FKBP5: variants seen among roughly 807,000 people sequenced by gnomAD.
FKBP5 encodes FKBP prolyl isomerase 5.
FKBP5 carries 23 observed loss-of-function variants against 50.5 expected under a neutral mutation model. That is an observed-to-expected ratio of 0.46 (90% CI 0.33 to 0.65). FKBP5 has a LOEUF of 0.65. Among genes scored for constraint, FKBP5 ranks in the 30% least tolerant of loss-of-function variants. The probability of loss-of-function intolerance (pLI) is 0.02; values close to 1 mark genes in which losing one functional copy is unlikely to be tolerated. For missense variants in FKBP5, 411 were observed against 553.1 expected, an observed-to-expected ratio of 0.74 and a Z score of 2.58; for synonymous variants, 176 against 190.6, an observed-to-expected ratio of 0.92 and a Z score of 0.63.
At chr6:35,604,537 A>G (rs1763246873) in intron 5 of FKBP5, among the ~76,000 whole-genome samples, 1 of 152,230 alleles carries the variant, frequency 6.6e-6, no homozygotes, top group Non-Finnish European at 1.5e-5. Context: ...CTTCAAAAGC[A>G]TATGAAAAAC....
At chr6:35,576,062 A>T in intron 10 of FKBP5, 120 bp from the exon 11 acceptor site, 1 of 760,326 alleles carries the variant, frequency 1.3e-6, no homozygotes, top group Non-Finnish European at 2.3e-6. Context: ...TCTCTAGGAT[A>T]TCTAGCTGGG....
chr6:35,589,414 C>G (rs1484083891), intron 7 of FKBP5, among the ~76,000 whole-genome samples: 2 of 152,098 alleles, frequency 1.3e-5, no homozygotes, highest in South Asian at 2.1e-4. Context: ...CAGGCGTGAG[C>G]CACAGCGCCC....
At chr6:35,636,879 G>T in intron 3 of FKBP5, 135 bp downstream of exon 3, 1 of 682,716 alleles carries the variant, frequency 1.5e-6, no homozygotes. Flanking sequence ...GAGCCCTAGG[G>T]ATTCTCAGAC....
intron 5 of FKBP5, among the ~76,000 whole-genome samples, chr6:35,600,383 A>AATCT (rs1048024912): frequency 7.9e-5 from 12 of 152,012 alleles, no homozygotes; most frequent in African/African-American, 2.9e-4. Flanking sequence ...GCGGCACTGT[A>AATCT]ATCTAGCCTG....
At chr6:35,599,501 ATCT>A (rs1763081391) in intron 5 of FKBP5, among the ~76,000 whole-genome samples, 1 of 152,156 alleles carries the variant, frequency 6.6e-6, no homozygotes. Flanking sequence ...GATTTGCTAA[ATCT>A]TCTCTGTATT....
At position 35,597,283 on chromosome 6, in the gene FKBP5, C is replaced by T. The variant is rs1216736917; in HGVS notation, c.630G>A (p.Gln210=). 1 of 1,614,118 alleles carries T rather than the reference C, an allele frequency of 6.2e-7. No homozygotes were observed. The highest frequency in any genetic ancestry group is 8.5e-7 in the Non-Finnish European group (1 of 1,180,006). The change falls in exon 6 of 11, where the codon CAG becomes CAA. Residue 210 remains glutamine (Q), a synonymous_variant. Transcript: ENST00000357266. ...IGIDKALEKM[Q]REEQCILYLG... The stretch of plus-strand genomic sequence containing the variant: ...GATATAAAATACATTGTTCTTCCCG[C>T]TGCATTTTCTCCAGAGCTTTGTCAA...
chr6:35,576,470 G>A (rs1431333141), intron 10 of FKBP5, among the ~76,000 whole-genome samples: 1 of 152,102 alleles, frequency 6.6e-6, no homozygotes, highest in South Asian at 2.1e-4. Context: ...CCAGGGGTTC[G>A]AGACCAGCCT....
At chr6:35,597,919 A>G (rs1289054697) in intron 5 of FKBP5, among the ~76,000 whole-genome samples, 12 of 152,348 alleles carry the variant, frequency 7.9e-5, no homozygotes, top group South Asian at 4.1e-4. Flanking sequence ...ATTCACAAAT[A>G]TATCTGAATA....
chr6:35,650,243 T>C (rs1278670452), intron 1 of FKBP5, among the ~76,000 whole-genome samples: 1 of 141,848 alleles, frequency 7.0e-6, no homozygotes, highest in Non-Finnish European at 1.5e-5. Flanking sequence ...GGCAGGAGTA[T>C]CACGCCATGG....
intron 3 of FKBP5, among the ~76,000 whole-genome samples, chr6:35,635,780 C>A (rs1015681510): frequency 6.6e-6 from 1 of 152,046 alleles, no homozygotes; most frequent in Non-Finnish European, 1.5e-5. Context: ...ACTTGTAACA[C>A]GAGACAACCA....
At chr6:35,585,598 G>A in intron 8 of FKBP5, 4 of 984,478 alleles carry the variant, frequency 4.1e-6, no homozygotes, top group Non-Finnish European at 4.8e-6. Flanking sequence ...CATGCTTTCT[G>A]GTGATCCATA....
At chr6:35,701,109 G>A (rs1766174102) in intron 2 of FKBP5, among the ~76,000 whole-genome samples, 1 of 151,366 alleles carries the variant, frequency 6.6e-6, no homozygotes, top group South Asian at 2.1e-4. Context: ...AAAGTATTCA[G>A]TGTTTATCTG....
chr6:35,600,289 C>T (rs1338450164), intron 5 of FKBP5, among the ~76,000 whole-genome samples: 3 of 152,002 alleles, frequency 2.0e-5, no homozygotes, highest in Non-Finnish European at 4.4e-5. Context: ...TGGTGACGCA[C>T]ACCTATAAGT....
rs561056832 is a variant in FKBP5 at position 35,584,427 on chromosome 6, T to C, written c.840+2607A>G. On this transcript the variant is annotated intron_variant, in intron 8 of 10. Transcript: ENST00000357266. ...GCAGATGGCATGAAATACAGATCTT[T>C]AGTTCAGCCCATCTCTGCTCTCACC... 25 of 985,476 alleles carry C rather than the reference T, an allele frequency of 2.5e-5. No individual in the cohort carries two copies. The African/African-American group carries it at 4.0e-4, about 16-fold the overall frequency. 61.0% of individuals were successfully genotyped at this position (985,476 alleles called of 1,614,324 possible). A position where few individuals can be genotyped will look rare whatever the true frequency, so the allele number is the denominator to read the frequency against.
intron 1 of FKBP5, among the ~76,000 whole-genome samples, chr6:35,679,206 A>G (rs758212389): frequency 3.3e-5 from 5 of 152,268 alleles, no homozygotes; most frequent in Middle Eastern, 3.2e-3. Context: ...ACAATTCTCT[A>G]CGATTCTGTG....
In FKBP5 at chr6:35,574,722, T is replaced by A. The variant is rs1213382691; in HGVS notation, c.*1113A>T. The A allele has an allele frequency of 6.6e-6, 1 of 152,620 alleles. No individual in the cohort carries two copies. Among genetic ancestry groups the A allele is most frequent in the Non-Finnish European group, 1.5e-5 (1 of 68,032 alleles). 9.5% of individuals were successfully genotyped at this position (152,620 alleles called of 1,614,324 possible). A position where few individuals can be genotyped will look rare whatever the true frequency, so the allele number is the denominator to read the frequency against. On this transcript the variant is annotated 3_prime_UTR_variant, in exon 11 of 11. Coordinates refer to ENST00000357266, the MANE Select transcript of FKBP5 (RefSeq NM_004117.4). ...ACCCTACAGATTTTGTTTTTAAAAA[T>A]TAAGCTTAGTACTAAAAAGTCAAAA...
At chr6:35,672,484 T>TA (rs1765415041) in intron 1 of FKBP5, among the ~76,000 whole-genome samples, 1 of 151,572 alleles carries the variant, frequency 6.6e-6, no homozygotes, top group Admixed American at 6.6e-5. Context: ...TTTTTTTTTT[T>TA]AAAGAAATAA....
intron 3 of FKBP5, among the ~76,000 whole-genome samples, chr6:35,632,142 T>C (rs954114814): frequency 6.6e-6 from 1 of 152,166 alleles, no homozygotes; most frequent in Non-Finnish European, 1.5e-5. Flanking sequence ...TATGACCAGT[T>C]CTAATAATTC....
rs1166100916 is a variant in FKBP5 at position 35,575,086 on chromosome 6, T to G, written c.*749A>C. On this transcript the variant is annotated 3_prime_UTR_variant, in exon 11 of 11. Transcript: ENST00000357266. The stretch of plus-strand genomic sequence containing the variant: ...GAACTTCATCGAAAATAGGAAAAGC[T>G]AATCCAGAAACTCTCATCTGCTCAT... The G allele has an allele frequency of 1.3e-5, 2 of 152,206 alleles. No individual in the cohort carries two copies. The highest frequency in any genetic ancestry group is 2.9e-5 in the Non-Finnish European group (2 of 68,040). 9.4% of individuals were successfully genotyped at this position (152,206 alleles called of 1,614,324 possible).
Sources: gnomAD v4.1 joint callset for allele counts (sites outside exome capture counted in the v4.1 genomes callset) on GRCh38, gnomAD v4.1.1 for gene constraint, MANE v1.5 for transcripts, NCBI Gene and HGNC (gene_info 2026-07-23, HGNC 2026-07-21) for gene names.